Variants in LARGE1 observed in about 807,000 individuals in gnomAD.
LARGE1 encodes the protein xylosyl- and glucuronyltransferase LARGE1.
LARGE1 carries 43 observed loss-of-function variants against 87.6 expected under a neutral mutation model. That is an observed-to-expected ratio of 0.49 (90% CI 0.38 to 0.63). The LOEUF (loss-of-function observed/expected upper bound fraction) is 0.63, where lower values mean the gene tolerates loss of function less well. LARGE1 is among the 30% of genes least tolerant of loss of function. The pLI, the probability that LARGE1 is intolerant of heterozygous loss-of-function variation, is 0.00. For synonymous variants in LARGE1, 434 were observed against 394.6 expected (o/e 1.10, Z -1.18); for missense variants, 802 against 1,000.2 (o/e 0.80, Z 2.67).
chr22:33,753,556 C>G (rs1210959108), intron 2 of LARGE1, among the ~76,000 whole-genome samples: 1 of 151,952 alleles, frequency 6.6e-6, no homozygotes, highest in African/African-American at 2.4e-5. Flanking sequence ...TTTTAAGCCA[C>G]TAAGTTTGTG....
chr22:33,525,270 T>C (rs143337779), intron 6 of LARGE1, among the ~76,000 whole-genome samples: 10 of 152,234 alleles, frequency 6.6e-5, no homozygotes, highest in African/African-American at 2.2e-4. Context: ...AAATATGTCT[T>C]CAATGAAACT....
rs76222934 is a variant in LARGE1, at chr22:33,353,621, A to C, written c.1132-15820T>G. ...TGTGTGTAGGCTTACGCTACGTGAT[A>C]GATTCTGTTTAGAGAATGAAAGACA... On this transcript the variant is annotated intron_variant, in intron 9 of 14. Transcript: ENST00000397394. Among the ~76,000 whole-genome samples the C allele has an allele frequency of 4.2e-3, 646 of 152,340 alleles. 6 individuals are homozygous for C. The highest frequency in any genetic ancestry group is 0.015 in the African/African-American group (616 of 41,568).
chr22:33,319,447 G>A (rs1213276923), intron 10 of LARGE1, among the ~76,000 whole-genome samples: 1 of 152,172 alleles, frequency 6.6e-6, no homozygotes, highest in Non-Finnish European at 1.5e-5. Flanking sequence ...CCAGGCTGGA[G>A]TGCAGTGACG....
At chr22:33,502,604 T>G (rs766823923) in intron 6 of LARGE1, among the ~76,000 whole-genome samples, 17 of 152,082 alleles carry the variant, frequency 1.1e-4, no homozygotes, top group Non-Finnish European at 2.4e-4. Flanking sequence ...AGTCTGGCTC[T>G]GCCACCCAGG....
chr22:33,130,439 G>A, the LARGE1 span, among the ~76,000 whole-genome samples: 36 of 151,670 alleles, frequency 2.4e-4, no homozygotes, highest in African/African-American at 8.5e-4. Context: ...GCAGTGAGCC[G>A]AGATTGCACC....
chr22:33,603,101 G>A (rs539425340), intron 5 of LARGE1, among the ~76,000 whole-genome samples: 3 of 151,988 alleles, frequency 2.0e-5, no homozygotes, highest in African/African-American at 7.3e-5. Context: ...GGAATGGCAC[G>A]CAAATTACCA....
At chr22:33,433,457 G>A (rs1236839275) in intron 6 of LARGE1, among the ~76,000 whole-genome samples, 3 of 151,842 alleles carry the variant, frequency 2.0e-5, no homozygotes, top group Non-Finnish European at 2.9e-5. Flanking sequence ...TTAGCCAGGC[G>A]TGGTGGCGGG....
intron 6 of LARGE1, among the ~76,000 whole-genome samples, chr22:33,442,415 T>C (rs1335610182): frequency 1.3e-5 from 2 of 152,178 alleles, no homozygotes; most frequent in African/African-American, 4.8e-5. Flanking sequence ...ATCTCACGGA[T>C]GCAGCTACTC....
At chr22:33,777,416 T>C (rs2085275332) in intron 1 of LARGE1, among the ~76,000 whole-genome samples, 1 of 152,074 alleles carries the variant, frequency 6.6e-6, no homozygotes, top group Non-Finnish European at 1.5e-5. Context: ...GATTGGATGA[T>C]CCCTTGAGCC....
chr22:33,663,277 G>A (rs1279194735), intron 2 of LARGE1, among the ~76,000 whole-genome samples: 1 of 152,180 alleles, frequency 6.6e-6, no homozygotes, highest in African/African-American at 2.4e-5. Flanking sequence ...AAAATCTTGT[G>A]TTAATACTTA....
intron 2 of LARGE1, among the ~76,000 whole-genome samples, chr22:33,688,857 T>C (rs974844756): frequency 2.0e-5 from 3 of 152,044 alleles, no homozygotes; most frequent in African/African-American, 7.2e-5. Context: ...CACTTCTGAT[T>C]GGTAGGGCAC....
At chr22:33,162,007 A>G (rs913359104), downstream of LARGE1, among the ~76,000 whole-genome samples, 1 of 152,216 alleles carries the variant, frequency 6.6e-6, no homozygotes, top group Non-Finnish European at 1.5e-5. Context: ...GGTCAAAACC[A>G]TTCAACAAGT....
intron 1 of LARGE1, among the ~76,000 whole-genome samples, chr22:33,789,691 G>T (rs1198080005): frequency 6.6e-6 from 1 of 152,182 alleles, no homozygotes; most frequent in Non-Finnish European, 1.5e-5. Flanking sequence ...TGGAATCAAA[G>T]GAAATCACTT....
intron 1 of LARGE1, among the ~76,000 whole-genome samples, chr22:33,868,782 C>T (rs376098517): frequency 8.3e-4 from 126 of 152,310 alleles, no homozygotes; most frequent in African/African-American, 3.0e-3. Flanking sequence ...CATGCATTTA[C>T]TGTATGTCTA....
chr22:33,660,966 C>T (rs927015831), intron 2 of LARGE1, among the ~76,000 whole-genome samples: 10 of 151,684 alleles, frequency 6.6e-5, no homozygotes, highest in Admixed American at 3.3e-4. Flanking sequence ...GCGAATCACA[C>T]GTGCTAAGAA....
chr22:33,267,886 G>T (rs941631971), downstream of LARGE1, among the ~76,000 whole-genome samples: 1 of 151,522 alleles, frequency 6.6e-6, no homozygotes, highest in Non-Finnish European at 1.5e-5. Flanking sequence ...AATCTTTGGG[G>T]AGGGTGAAGA....
intron 4 of LARGE1, among the ~76,000 whole-genome samples, chr22:33,621,520 C>T (rs1026415941): frequency 1.3e-5 from 2 of 152,172 alleles, no homozygotes; most frequent in African/African-American, 4.8e-5. Context: ...AATCTAATTA[C>T]TATAATTAAC....
At chr22:33,367,392 T>C (rs937298976) in intron 9 of LARGE1, among the ~76,000 whole-genome samples, 2 of 152,316 alleles carry the variant, frequency 1.3e-5, no homozygotes, top group Non-Finnish European at 1.5e-5. Context: ...TTCAATTTGA[T>C]TGCATTTGAA....
chr22:33,811,720 G>A (rs911148880), intron 1 of LARGE1, among the ~76,000 whole-genome samples: 2 of 152,154 alleles, frequency 1.3e-5, no homozygotes, highest in Non-Finnish European at 2.9e-5. Context: ...TTTTCTAGAG[G>A]CAAGAAGAAG....
Sources: gnomAD v4.1 joint callset for allele counts (sites outside exome capture counted in the v4.1 genomes callset) on GRCh38, gnomAD v4.1.1 for gene constraint, MANE v1.5 for transcripts, NCBI Gene and HGNC (gene_info 2026-07-23, HGNC 2026-07-21) for gene names.